Variants in LBX2 observed in about 807,000 individuals in gnomAD.
LBX2 encodes ladybird homeobox 2.
Under a neutral mutation model 7.5 loss-of-function variants are expected in LBX2, and 6 were observed. The ratio of observed to expected loss-of-function variants is 0.80; its 90% CI spans 0.44 to 1.59. The LOEUF (loss-of-function observed/expected upper bound fraction) is 1.59. LBX2 is among the 40% of genes most tolerant of loss of function. LBX2 has a pLI of 0.01. For missense variants in LBX2, 281 were observed against 282.0 expected, an observed-to-expected ratio of 1.00 and a Z score of 0.03; for synonymous variants, 143 against 133.2, an observed-to-expected ratio of 1.07 and a Z score of -0.51.
chr2:74,499,428 G>A lies in LBX2; in HGVS notation c.110C>T (p.Ser37Leu). Reference sequence around the variant, plus strand: ...CAGCGGCGACGTTGGACCCGGACCCGACTCTGGAAGCTGCGGCGCAGAGGG... The same window carrying A: ...CAGCGGCGACGTTGGACCCGGACCCAACTCTGGAAGCTGCGGCGCAGAGGG... ...RAPSAPQLPE[S>L]GPGPTSPLCA... The change falls in exon 1 of 2, where the codon TCG (serine) becomes TTG (leucine). Residue 37 changes from serine (S) to leucine (L), a missense_variant. By Grantham distance (145) the Ser-to-Leu change is moderately radical (BLOSUM62 -2). Transcript: ENST00000377566. This position sits in a 1 kb window ranked among gnomAD's most constrained non-coding sequence, Gnocchi z 4.6. 1 of 1,550,638 alleles carries A rather than the reference G, an allele frequency of 6.4e-7. No individual in the cohort carries two copies. The highest frequency in any genetic ancestry group is 1.2e-5 in the South Asian group (1 of 84,066).
chr2:74,498,286 G>A lies in LBX2; in HGVS notation c.238C>T (p.Pro80Ser), dbSNP rs924997053. Residue 80 changes from proline (P) to serine (S), a missense_variant, in exon 2 of 2, where the codon CCC becomes TCC. Physicochemically the swap from Pro to Ser is moderately conservative, Grantham distance 74. Coordinates refer to ENST00000377566, the MANE Select transcript of LBX2 (RefSeq NM_001282430.2). ...GACTTGCGCCGTTTGCGGCCGAAGG[G>A]ACCAGGGCCCAGCGCGTCCGGACCT... ...RAGPDALGPG[P>S]FGRKRRKSRT... is the part of the protein sequence containing the mutation. 1.3e-6 allele frequency: 2 copies of A among 1,571,464 alleles called. No homozygotes were observed. Among genetic ancestry groups the A allele is most frequent in the Non-Finnish European group, 1.7e-6 (2 of 1,162,080 alleles).
chr2:74,502,977 G>T, upstream of LBX2: 1 of 861,968 alleles, frequency 1.2e-6, no homozygotes, highest in Non-Finnish European at 1.7e-6. This position sits in a 1 kb window ranked among gnomAD's most constrained non-coding sequence, Gnocchi z 5.4. Context: ...TGGCGGGGGT[G>T]AGGAAGGTGG....
rs1178317928 is a variant in LBX2 at position 74,497,783 on chromosome 2, A to C, written c.*144T>G. The C allele has an allele frequency of 4.4e-6, 4 of 902,200 alleles. No homozygotes were observed. The East Asian group carries it at 8.7e-5, about 20-fold the overall frequency. The allele number at this position is 902,200 out of a possible 1,614,324, so 55.9% of individuals were successfully genotyped here. ...AGACAACAAAACAAACTTACAAAAA[A>C]ACCGGGAAAGGTGAGCGTCTGGACT... is the stretch of plus-strand genomic sequence containing the variant. On this transcript the variant is annotated 3_prime_UTR_variant, in exon 2 of 2. Coordinates refer to ENST00000377566, the MANE Select transcript of LBX2 (RefSeq NM_001282430.2).
chr2:74,497,798 G>A lies in LBX2; in HGVS notation c.*129C>T. The A allele has an allele frequency of 1.0e-6, 1 of 984,474 alleles. No homozygotes were observed. The highest frequency in any genetic ancestry group is 1.4e-6 in the Non-Finnish European group (1 of 691,842). 61.0% of individuals were successfully genotyped at this position (984,474 alleles called of 1,614,324 possible). A position where few individuals can be genotyped will look rare whatever the true frequency, so the allele number is the denominator to read the frequency against. On this transcript the variant is annotated 3_prime_UTR_variant, in exon 2 of 2. Coordinates refer to ENST00000377566, the MANE Select transcript of LBX2 (RefSeq NM_001282430.2). ...CTTACAAAAAAACCGGGAAAGGTGAGCGTCTGGACTGTGGGCCGGAAGAGG... is the reference window on the plus strand; with the variant it reads ...CTTACAAAAAAACCGGGAAAGGTGAACGTCTGGACTGTGGGCCGGAAGAGG...
chr2:74,499,054 G>A lies in LBX2; in HGVS notation c.205+279C>T, dbSNP rs1326150061. 2 of 514,646 alleles carry A rather than the reference G, an allele frequency of 3.9e-6. No individual in the cohort carries two copies. The highest frequency in any genetic ancestry group is 3.5e-5 in the Admixed American group (1 of 28,886). 31.9% of individuals were successfully genotyped at this position (514,646 alleles called of 1,614,324 possible). ...TTTCTCTCCTGCCTTTCTCTATCGC[G>A]ATTGCCCCGCCTACAAGGAACAGAG... On this transcript the variant is annotated intron_variant, in intron 1 of 1. Coordinates refer to ENST00000377566, the MANE Select transcript of LBX2 (RefSeq NM_001282430.2). The surrounding 1 kb of genome is among the most constrained non-coding windows in gnomAD (Gnocchi z 4.6).
chr2:74,502,569 G>A (rs1674516746), upstream of LBX2: 4 of 1,236,470 alleles, frequency 3.2e-6, no homozygotes, highest in Admixed American at 2.0e-5. The surrounding 1 kb of genome is among the most constrained non-coding windows in gnomAD (Gnocchi z 5.4). Context: ...GGAGCGTGAG[G>A]CGGGGCTTCC....
chr2:74,503,003 G>C, upstream of LBX2: 1 of 697,974 alleles, frequency 1.4e-6, no homozygotes, highest in South Asian at 2.0e-5. This position sits in a 1 kb window ranked among gnomAD's most constrained non-coding sequence, Gnocchi z 5.1. Context: ...GGCAAGGTTT[G>C]GCCCTCAGGC....
chr2:74,502,515 G>C (rs548592333), upstream of LBX2: 114 of 720,946 alleles, frequency 1.6e-4, no homozygotes, highest in African/African-American at 1.7e-3. The surrounding 1 kb of genome is among the most constrained non-coding windows in gnomAD (Gnocchi z 5.4). Flanking sequence ...CCGTGAACCG[G>C]AGTGAGAGGG....
upstream of LBX2, among the ~76,000 whole-genome samples, chr2:74,500,135 A>G (rs1310941058): frequency 1.3e-5 from 2 of 152,082 alleles, no homozygotes; most frequent in African/African-American, 2.4e-5. Flanking sequence ...TCGGGGGCGC[A>G]ACACTTGGGA....
upstream of LBX2, chr2:74,499,636 A>C: frequency 1.5e-6 from 2 of 1,295,844 alleles, no homozygotes; most frequent in Non-Finnish European, 1.0e-6. This position sits in a 1 kb window ranked among gnomAD's most constrained non-coding sequence, Gnocchi z 4.6. Flanking sequence ...CCAGCCTCGG[A>C]CCCGCCCCCG....
At chr2:74,502,579 C>A, upstream of LBX2, 5 of 1,349,250 alleles carry the variant, frequency 3.7e-6, no homozygotes, top group Non-Finnish European at 5.2e-6. This position sits in a 1 kb window ranked among gnomAD's most constrained non-coding sequence, Gnocchi z 5.4. Context: ...GCGGGGCTTC[C>A]GTCCGTCCCG....
At chr2:74,498,546 G>A (rs1287087615) in intron 1 of LBX2, 24 of 562,980 alleles carry the variant, frequency 4.3e-5, no homozygotes, top group Non-Finnish European at 2.2e-5. Context: ...CAGGCTGAGG[G>A]CATATTGTAG....
At chr2:74,503,063 G>A, upstream of LBX2, 1 of 534,626 alleles carries the variant, frequency 1.9e-6, no homozygotes, top group Admixed American at 3.7e-5. This position sits in a 1 kb window ranked among gnomAD's most constrained non-coding sequence, Gnocchi z 5.1. Flanking sequence ...GTGCGTCCGG[G>A]GGTGCAGACG....
intron 1 of LBX2, chr2:74,498,622 C>A (rs1363999985): frequency 4.8e-6 from 2 of 418,430 alleles, no homozygotes; most frequent in Non-Finnish European, 8.5e-6. Context: ...TGGGGTGGAG[C>A]CTTTGAGGCT....
At chr2:74,503,076 G>A, upstream of LBX2, 1 of 509,158 alleles carries the variant, frequency 2.0e-6, no homozygotes, top group Admixed American at 3.8e-5. The surrounding 1 kb of genome is among the most constrained non-coding windows in gnomAD (Gnocchi z 5.1). Flanking sequence ...TGCAGACGGC[G>A]CCCTGGGGTG....
In LBX2 at chr2:74,498,243, G is replaced by A. The variant is rs1465264899; in HGVS notation, c.281C>T (p.Ala94Val). 1.2e-6 allele frequency: 2 copies of A among 1,604,078 alleles called. No homozygotes were observed. The highest frequency in any genetic ancestry group is 1.7e-5 in the Admixed American group (1 of 59,814). The change falls in exon 2 of 2, where the codon GCG (alanine) becomes GTG (valine). Residue 94 changes from alanine to valine, a missense_variant. This residue lies in a region of LBX2 where 216 missense variants were observed against 208.7 expected (regional missense o/e 1.03). Coordinates refer to ENST00000377566, the MANE Select transcript of LBX2 (RefSeq NM_001282430.2). ...CCGCTCCAGCTCCAGCACCTGTTGC[G>A]CGGTGAACGCAGTGCGTGACTTGCG... ...KRRKSRTAFT[A>V]QQVLELERRF...
chr2:74,497,545 A>G lies in LBX2; in HGVS notation c.*382T>C, dbSNP rs193258880. On this transcript the variant is annotated 3_prime_UTR_variant, in exon 2 of 2. Transcript: ENST00000377566. ...GGCAGAGTCTCGACTTTATTCTCAA[A>G]TATTGGGAAAGTAGCCTGGACAACA... The G allele has an allele frequency of 2.3e-5, 4 of 177,012 alleles. No individual in the cohort carries two copies. Among genetic ancestry groups the G allele is most frequent in the Admixed American group, 1.7e-4 (3 of 17,280 alleles). The allele number at this position is 177,012 out of a possible 1,614,324, so 11.0% of individuals were successfully genotyped here.
chr2:74,499,625 C>G, upstream of LBX2: 1 of 1,397,782 alleles, frequency 7.2e-7, no homozygotes, highest in Non-Finnish European at 9.6e-7. This position sits in a 1 kb window ranked among gnomAD's most constrained non-coding sequence, Gnocchi z 4.6. Flanking sequence ...AATCCGGGCC[C>G]CCAGCCTCGG....
rs1674390832 is a variant in LBX2 at position 74,497,956 on chromosome 2, A to G, written c.568T>C (p.Ser190Pro). Residue 190 changes from serine (S) to proline (P), a missense_variant, in exon 2 of 2, where the codon TCA becomes CCA. Transcript: ENST00000377566. The part of the protein sequence containing the change: ...PAGPDSRPHL[S>P]DEEIQVDD ...TCGTCCACCTGTATCTCCTCGTCTG[A>G]CAGGTGGGGCCGGGAGTCAGGGCCG... 1 of 1,595,538 alleles carries G rather than the reference A, an allele frequency of 6.3e-7. No homozygotes were observed. Among genetic ancestry groups the G allele is most frequent in the African/African-American group, 1.3e-5 (1 of 74,348 alleles).
Sources: gnomAD v4.1 joint callset for allele counts (sites outside exome capture counted in the v4.1 genomes callset) on GRCh38, gnomAD v4.1.1 for gene constraint, gnomAD v4.1.1 regional missense constraint, Gnocchi (gnomAD v3.1) non-coding constraint, MANE v1.5 for transcripts, NCBI Gene and HGNC (gene_info 2026-07-23, HGNC 2026-07-21) for gene names.